Variants in CEP97 observed in about 807,000 individuals in gnomAD.
CEP97 encodes centrosomal protein 97, also known as centrosomal protein of 97 kDa.
A neutral mutation model predicts 73.1 loss-of-function variants in CEP97; 43 were observed. The ratio of observed to expected loss-of-function variants is 0.59; its 90% CI spans 0.46 to 0.76. The LOEUF (loss-of-function observed/expected upper bound fraction) is 0.76. CEP97 is among the 30% of genes least tolerant of loss of function. CEP97 has a pLI of 0.00. For missense variants in CEP97, 939 were observed against 1,014.0 expected (o/e 0.93, Z 1.00); for synonymous variants, 337 against 370.0 (o/e 0.91, Z 1.02).
chr3:101,742,770 G>C (rs1168774586), intron 6 of CEP97, among the ~76,000 whole-genome samples: 1 of 151,198 alleles, frequency 6.6e-6, no homozygotes, highest in East Asian at 1.9e-4. Flanking sequence ...AGGAAGAGAT[G>C]GGAGGGTAGC....
intron 4 of CEP97, 152 bp from the exon 5 acceptor site, chr3:101,731,688 C>G (rs1938115140): frequency 1.8e-6 from 1 of 560,902 alleles, no homozygotes; most frequent in Non-Finnish European, 3.1e-6. Flanking sequence ...ATCAAGGACC[C>G]TTGTAGCATT....
At chr3:101,751,722 C>G (rs1576692663) in intron 6 of CEP97, among the ~76,000 whole-genome samples, 1 of 152,086 alleles carries the variant, frequency 6.6e-6, no homozygotes, top group Admixed American at 6.5e-5. Flanking sequence ...TTATCGGAGA[C>G]TAGGATTGCA....
Position 101,765,355 on chromosome 3 carries a change from A to T in CEP97, c.2402A>T (p.His801Leu), listed in dbSNP as rs753557173. The T allele has an allele frequency of 1.2e-6, 2 of 1,614,202 alleles. No homozygotes were observed. The highest frequency in any genetic ancestry group is 1.7e-6 in the Non-Finnish European group (2 of 1,180,030). Residue 801 changes from histidine (H) to leucine (L), a missense_variant, in exon 11 of 11, where the codon CAC (histidine) becomes CTC (leucine). Coordinates refer to ENST00000341893, the MANE Select transcript of CEP97 (RefSeq NM_024548.4). ...FDTETRDSKL[H>L]IACFPVQLDT... The stretch of plus-strand genomic sequence containing the variant: ...ACAGAGACAAGAGATAGCAAACTTC[A>T]CATTGCTTGTTTCCCAGTACAGTTA...
chr3:101,758,577 A>C (rs1939086790), intron 9 of CEP97, 154 bp downstream of exon 9: 10 of 874,100 alleles, frequency 1.1e-5, no homozygotes, highest in Admixed American at 2.6e-5. Flanking sequence ...TACCGAAAGC[A>C]TCTGGAGAGC....
intron 6 of CEP97, among the ~76,000 whole-genome samples, chr3:101,740,864 C>T (rs1052703069): frequency 2.6e-5 from 4 of 152,246 alleles, no homozygotes; most frequent in Non-Finnish European, 5.9e-5. Context: ...GTTGGGATTA[C>T]AGGCGTGAGC....
At chr3:101,750,967 T>A (rs1227253586) in intron 6 of CEP97, among the ~76,000 whole-genome samples, 16 of 152,180 alleles carry the variant, frequency 1.1e-4, no homozygotes, top group Non-Finnish European at 2.1e-4. Context: ...TTTGAATGTG[T>A]TTGCTCTTGC....
At position 101,767,858 on chromosome 3, in the gene CEP97, T is replaced by TA. The variant is rs1370146242; in HGVS notation, c.*2308dup. The TA allele has an allele frequency of 6.6e-6, 1 of 152,202 alleles. No individual in the cohort carries two copies. The highest frequency in any genetic ancestry group is 2.4e-5 in the African/African-American group (1 of 41,448). 9.4% of individuals were successfully genotyped at this position (152,202 alleles called of 1,614,324 possible). A position where few individuals can be genotyped will look rare whatever the true frequency, so the allele number is the denominator to read the frequency against. ...TAGATAAAATGAAAATACTGTAAAT[T>TA]AGAGTGTAGGAAAACTGGCATAGAG... On this transcript the variant is annotated 3_prime_UTR_variant, in exon 11 of 11. Coordinates refer to ENST00000341893, the MANE Select transcript of CEP97 (RefSeq NM_024548.4).
intron 9 of CEP97, among the ~76,000 whole-genome samples, chr3:101,761,191 A>G (rs1183801661): frequency 6.6e-6 from 1 of 152,118 alleles, no homozygotes; most frequent in Non-Finnish European, 1.5e-5. Flanking sequence ...AATGAGGTAA[A>G]AGGGAAGTGA....
At chr3:101,744,301 A>AT (rs374159556) in intron 6 of CEP97, among the ~76,000 whole-genome samples, 3 of 151,940 alleles carry the variant, frequency 2.0e-5, no homozygotes, top group Non-Finnish European at 4.4e-5. Flanking sequence ...GAAAAAAAAA[A>AT]GGGTCAGCAC....
At chr3:101,741,512 T>TATCC (rs1938450706) in intron 6 of CEP97, among the ~76,000 whole-genome samples, 1 of 152,146 alleles carries the variant, frequency 6.6e-6, no homozygotes, top group South Asian at 2.1e-4. Flanking sequence ...TTTTGCAATC[T>TATCC]ATCCATCTGT....
intron 9 of CEP97, among the ~76,000 whole-genome samples, chr3:101,761,431 C>T (rs960763198): frequency 2.6e-5 from 4 of 152,108 alleles, no homozygotes; most frequent in Non-Finnish European, 5.9e-5. Flanking sequence ...TCTCCAAAAA[C>T]GATGACAGGT....
At chr3:101,742,389 G>A (rs1022427055) in intron 6 of CEP97, among the ~76,000 whole-genome samples, 21 of 152,272 alleles carry the variant, frequency 1.4e-4, no homozygotes, top group African/African-American at 4.3e-4. Flanking sequence ...TATACACCAT[G>A]GAATAATACT....
chr3:101,769,226 A>C lies in CEP97; in HGVS notation c.*3675A>C, dbSNP rs988708876. 1 of 152,146 alleles carries C rather than the reference A, an allele frequency of 6.6e-6. No homozygotes were observed. The highest frequency in any genetic ancestry group is 1.5e-5 in the Non-Finnish European group (1 of 68,032). 9.4% of individuals were successfully genotyped at this position (152,146 alleles called of 1,614,324 possible). ...TTATAACATTGATAATAAAAATATA[A>C]AACGTTTTTCCTCGGGAGTTAAGAT... On this transcript the variant is annotated 3_prime_UTR_variant, in exon 11 of 11. Coordinates refer to ENST00000341893, the MANE Select transcript of CEP97 (RefSeq NM_024548.4).
At chr3:101,727,870 C>A (rs767888165) in intron 3 of CEP97, among the ~76,000 whole-genome samples, 1 of 152,148 alleles carries the variant, frequency 6.6e-6, no homozygotes, top group Non-Finnish European at 1.5e-5. Context: ...GTTAGGAGAT[C>A]TGAATTCTAG....
In CEP97 at chr3:101,756,616, G is replaced by A. The variant is rs1041150132; in HGVS notation, c.894-447G>A. Among the ~76,000 whole-genome samples the A allele has an allele frequency of 2.6e-5, 4 of 151,866 alleles. No individual in the cohort carries two copies. The South Asian group carries it at 8.3e-4, about 32-fold the overall frequency. ...TGATCTTGAACTCCTGAGCTCCAGC[G>A]ATCCACCTGCCTTGGCCTCCCAAAG... On this transcript the variant is annotated intron_variant, in intron 7 of 10. Coordinates refer to ENST00000341893, the MANE Select transcript of CEP97 (RefSeq NM_024548.4).
At chr3:101,745,974 C>T (rs1021103903) in intron 6 of CEP97, among the ~76,000 whole-genome samples, 1 of 152,012 alleles carries the variant, frequency 6.6e-6, no homozygotes, top group African/African-American at 2.4e-5. Context: ...TCTCATTGTT[C>T]AATTCCCACC....
At chr3:101,764,747 C>T in intron 10 of CEP97, 100 bp from the exon 11 acceptor site, 4 of 1,005,800 alleles carry the variant, frequency 4.0e-6, no homozygotes, top group Non-Finnish European at 5.7e-6. Flanking sequence ...TGTGCTGCTG[C>T]ACTCCAGCCT....
At chr3:101,730,735 A>C (rs1035951320) in intron 4 of CEP97, among the ~76,000 whole-genome samples, 2 of 152,210 alleles carry the variant, frequency 1.3e-5, no homozygotes, top group South Asian at 2.1e-4. Context: ...TTGAAATCAC[A>C]GTCTTGAAAA....
At chr3:101,757,000 G>A in intron 7 of CEP97, 63 bp from the exon 8 acceptor site, 1 of 1,443,376 alleles carries the variant, frequency 6.9e-7, no homozygotes, top group Non-Finnish European at 9.3e-7. Context: ...TGTTACCTAG[G>A]AAGCAGAAAA....
Sources: allele counts gnomAD v4.1 joint callset (sites outside exome capture counted in the v4.1 genomes callset), GRCh38; gene constraint gnomAD v4.1.1; transcripts MANE v1.5; gene names NCBI Gene and HGNC (gene_info 2026-07-23, HGNC 2026-07-21).